The following PSMD14 variants were observed in gnomAD, a reference collection of about 807,000 sequenced individuals.
The protein encoded by PSMD14 is proteasome 26S subunit, non-ATPase 14.
PSMD14 carries 7 observed loss-of-function variants against 41.2 expected under a neutral mutation model. The observed-to-expected ratio is 0.17, with a 90% CI of 0.10 to 0.32. PSMD14 has a LOEUF of 0.32. Ranked by LOEUF, PSMD14 falls within the 10% of genes least tolerant of loss-of-function variation. The pLI is 1.00. For missense variants in PSMD14, 139 were observed against 375.6 expected, an observed-to-expected ratio of 0.37 and a Z score of 5.21; for synonymous variants, 114 against 122.3, an observed-to-expected ratio of 0.93 and a Z score of 0.45.
intron 3 of PSMD14, among the ~76,000 whole-genome samples, chr2:161,343,234 C>CG (rs1417755426): frequency 6.6e-6 from 1 of 152,206 alleles, no homozygotes; most frequent in Non-Finnish European, 1.5e-5. Context: ...CTTCCACCCC[C>CG]TCATCCCTTG....
intron 1 of PSMD14, among the ~76,000 whole-genome samples, chr2:161,315,410 TG>T (rs1485204125): frequency 3.3e-5 from 5 of 152,240 alleles, no homozygotes; most frequent in African/African-American, 1.2e-4. Flanking sequence ...ACATTTTCTT[TG>T]TTGCTTTTTT....
chr2:161,334,064 G>A (rs953077866), intron 3 of PSMD14, among the ~76,000 whole-genome samples: 2 of 152,018 alleles, frequency 1.3e-5, no homozygotes, highest in African/African-American at 4.8e-5. Context: ...CAGGCCTGGT[G>A]GCTCACACCT....
At chr2:161,336,020 A>C (rs1279152701) in intron 3 of PSMD14, among the ~76,000 whole-genome samples, 1 of 152,206 alleles carries the variant, frequency 6.6e-6, no homozygotes, top group Non-Finnish European at 1.5e-5. Flanking sequence ...TTGTTTTATT[A>C]ATAAAGAGAT....
intron 3 of PSMD14, among the ~76,000 whole-genome samples, chr2:161,346,793 G>A (rs1225421293): frequency 6.6e-6 from 1 of 151,674 alleles, no homozygotes; most frequent in South Asian, 2.1e-4. Context: ...AGTTTGGCTG[G>A]TGGGAACAGG....
intron 5 of PSMD14, 95 bp downstream of exon 5, chr2:161,367,998 C>G: frequency 5.2e-6 from 7 of 1,341,204 alleles, no homozygotes; most frequent in African/African-American, 1.5e-5. Context: ...TACATTTTCT[C>G]TTTCCAGTAG....
At chr2:161,374,598 A>G (rs1683479630) in intron 7 of PSMD14, among the ~76,000 whole-genome samples, 1 of 152,038 alleles carries the variant, frequency 6.6e-6, no homozygotes, top group African/African-American at 2.4e-5. Context: ...AATAGTTTAT[A>G]AGGTCCGCTT....
chr2:161,386,477 A>G (rs1383512501), intron 8 of PSMD14, among the ~76,000 whole-genome samples: 2 of 151,716 alleles, frequency 1.3e-5, no homozygotes, highest in African/African-American at 4.8e-5. Flanking sequence ...ATACTTTTAA[A>G]TGCTTAATTT....
intron 10 of PSMD14, among the ~76,000 whole-genome samples, chr2:161,403,142 A>G (rs537438131): frequency 6.6e-6 from 1 of 152,362 alleles, no homozygotes; most frequent in African/African-American, 2.4e-5. Context: ...GAGACAATCC[A>G]AATGTCTATC....
rs34635738 is a variant in PSMD14, at chr2:161,311,625, CTTTTTTTTTTTTTT to C, written c.-138+3032_-138+3045del. On this transcript the variant is annotated intron_variant, in intron 1 of 11. Transcript: ENST00000409682. ...TATGATGAGTCTGTTCTCACTCTTCCTTTTTTTTTTTTTTTTTTTTTTTTGAGATGAAACCTTGC... is the reference window on the plus strand; with the variant it reads ...TATGATGAGTCTGTTCTCACTCTTCCTTTTTTTTTTGAGATGAAACCTTGC... 6.8e-5 allele frequency among the ~76,000 whole-genome samples: 4 copies of C among 58,586 alleles called. No homozygotes were observed. In the Admixed American group the frequency reaches 7.2e-4, roughly 11 times the overall value. 38.4% of individuals were successfully genotyped at this position (58,586 alleles called of 152,430 possible).
intron 8 of PSMD14, 94 bp downstream of exon 8, chr2:161,385,665 AT>A: frequency 5.0e-6 from 3 of 602,610 alleles, no homozygotes; most frequent in Non-Finnish European, 8.1e-6. Context: ...TAGCATTTTA[AT>A]TTGCTTGCAA....
chr2:161,333,781 C>G (rs527892948), intron 3 of PSMD14, among the ~76,000 whole-genome samples: 20 of 152,282 alleles, frequency 1.3e-4, no homozygotes, highest in African/African-American at 4.8e-4. Flanking sequence ...GCCTGTAATC[C>G]CAGCACTTTG....
intron 3 of PSMD14, among the ~76,000 whole-genome samples, chr2:161,348,638 A>G (rs796322123): frequency 2.6e-5 from 4 of 152,334 alleles, no homozygotes; most frequent in South Asian, 2.1e-4. Context: ...ATTTTAAGAT[A>G]CCCAAAATGA....
At chr2:161,354,197 T>G (rs1683160201) in intron 3 of PSMD14, among the ~76,000 whole-genome samples, 1 of 152,102 alleles carries the variant, frequency 6.6e-6, no homozygotes, top group African/African-American at 2.4e-5. Flanking sequence ...ATTTTCTGGT[T>G]TCTGAAGTTT....
At chr2:161,328,893 A>C (rs1001046255) in intron 3 of PSMD14, among the ~76,000 whole-genome samples, 4 of 151,994 alleles carry the variant, frequency 2.6e-5, no homozygotes, top group Admixed American at 2.6e-4. Context: ...AATAACACTA[A>C]ATAACATTAA....
At position 161,340,942 on chromosome 2, in the gene PSMD14, C is replaced by G. The variant is rs1574121977; in HGVS notation, c.48+22069C>G. 3.0e-5 allele frequency: 48 copies of G among 1,613,388 alleles called. No individual in the cohort carries two copies. In the East Asian group the frequency reaches 1.0e-3, roughly 34 times the overall value. Reference sequence around the variant, plus strand: ...TCTCCGTCCTCCTCCTCAGGCCCTTCCGATGATGGCCCCTTCTCACCATCC... The same window carrying G: ...TCTCCGTCCTCCTCCTCAGGCCCTTGCGATGATGGCCCCTTCTCACCATCC... On this transcript the variant is annotated intron_variant, in intron 3 of 11. Transcript: ENST00000409682.
chr2:161,311,066 G>A (rs2105226918), intron 1 of PSMD14, among the ~76,000 whole-genome samples: 1 of 152,302 alleles, frequency 6.6e-6, no homozygotes, highest in East Asian at 1.9e-4. Flanking sequence ...CAGCACTTTG[G>A]GAGGCTGAGG....
At chr2:161,323,968 C>T (rs1251870339) in intron 3 of PSMD14, among the ~76,000 whole-genome samples, 1 of 152,132 alleles carries the variant, frequency 6.6e-6, no homozygotes, top group South Asian at 2.1e-4. Flanking sequence ...GGCATCTAAA[C>T]GATTTCCAAA....
intron 3 of PSMD14, among the ~76,000 whole-genome samples, chr2:161,358,491 C>T (rs987420920): frequency 1.3e-5 from 2 of 152,106 alleles, no homozygotes; most frequent in Non-Finnish European, 2.9e-5. Context: ...AAAAACCGTG[C>T]GCTGTCTCCT....
chr2:161,345,926 C>G (rs1683035540), intron 3 of PSMD14, among the ~76,000 whole-genome samples: 1 of 152,102 alleles, frequency 6.6e-6, no homozygotes, highest in South Asian at 2.1e-4. Flanking sequence ...GGCCTCACTT[C>G]TGTCACCCAG....
Sources: allele counts gnomAD v4.1 joint callset (sites outside exome capture counted in the v4.1 genomes callset), GRCh38; gene constraint gnomAD v4.1.1; transcripts MANE v1.5; gene names NCBI Gene and HGNC (gene_info 2026-07-23, HGNC 2026-07-21).